The following LRRC23 variants were observed in gnomAD, a reference collection of about 807,000 sequenced individuals.
The protein encoded by LRRC23 is leucine rich repeat containing 23.
Under a neutral mutation model 37.7 loss-of-function variants are expected in LRRC23, and 28 were observed. That is an observed-to-expected ratio of 0.74 (90% CI 0.55 to 1.02). The LOEUF is 1.02. Ranked by LOEUF, LRRC23 falls within the 50% of genes least tolerant of loss-of-function variation. The probability of loss-of-function intolerance (pLI) is 0.00; values close to 1 mark genes in which losing one functional copy is unlikely to be tolerated. For missense variants in LRRC23, 377 were observed against 413.2 expected (o/e 0.91, Z 0.76); for synonymous variants, 161 against 165.4 (o/e 0.97, Z 0.20).
chr12:6,913,735 T>C, intron 7 of LRRC23, 156 bp from the exon 8 acceptor site: 2 of 526,076 alleles, frequency 3.8e-6, no homozygotes, highest in South Asian at 6.1e-5. Flanking sequence ...TGGCTAATTT[T>C]TGTATTTTTA....
chr12:6,909,862 A>G (rs1945115499), intron 5 of LRRC23, 28 bp from the exon 6 acceptor site: 7 of 1,594,358 alleles, frequency 4.4e-6, no homozygotes, highest in South Asian at 3.4e-5. Flanking sequence ...CTCCCTCTCA[A>G]TCAATCCACT....
chr12:6,914,176 G>A lies in LRRC23; in HGVS notation c.*310G>A. ...GGGTGCTGGTAGGAGTGGTTGGAGA[G>A]ACTTGCGAAGGCGGCTGGGGTGTTC... On this transcript the variant is annotated 3_prime_UTR_variant, in exon 8 of 8. Transcript: ENST00000443597. The surrounding 1 kb of genome is among the most constrained non-coding windows in gnomAD (Gnocchi z 7.1). 9.4e-7 allele frequency: 1 copy of A among 1,063,262 alleles called. No homozygotes were observed. 65.9% of individuals were successfully genotyped at this position (1,063,262 alleles called of 1,614,324 possible). A position where few individuals can be genotyped will look rare whatever the true frequency, so the allele number is the denominator to read the frequency against.
intron 6 of LRRC23, 83 bp downstream of exon 6, chr12:6,910,109 C>T (rs1469727972): frequency 7.5e-7 from 1 of 1,331,248 alleles, no homozygotes; most frequent in Non-Finnish European, 1.0e-6. Context: ...CTGGCCCAAT[C>T]CCCCAGTCCT....
intron 5 of LRRC23, among the ~76,000 whole-genome samples, chr12:6,908,490 G>C (rs1282349364): frequency 6.6e-6 from 1 of 151,408 alleles, no homozygotes; most frequent in Admixed American, 6.6e-5. Flanking sequence ...CCAGCTACTA[G>C]GGAGGCTGAG....
intron 6 of LRRC23, among the ~76,000 whole-genome samples, chr12:6,910,955 G>C (rs782626684): frequency 6.6e-5 from 10 of 152,030 alleles, no homozygotes; most frequent in Admixed American, 2.0e-4. Context: ...TGTTCCTAAG[G>C]GGCTCACAGT....
At chr12:6,911,447 G>C (rs1555140735) in intron 6 of LRRC23, among the ~76,000 whole-genome samples, 2 of 152,108 alleles carry the variant, frequency 1.3e-5, no homozygotes, top group African/African-American at 4.8e-5. Context: ...ATCTAGACAG[G>C]CATGATGGAC....
chr12:6,909,103 A>T (rs1378997076), intron 5 of LRRC23, among the ~76,000 whole-genome samples: 7 of 31,010 alleles, frequency 2.3e-4, no homozygotes, highest in East Asian at 1.6e-3. Context: ...ATTATATATA[A>T]TATATAATTA....
chr12:6,908,144 C>T (rs1555139946), intron 5 of LRRC23, among the ~76,000 whole-genome samples: 1 of 152,134 alleles, frequency 6.6e-6, no homozygotes, highest in African/African-American at 2.4e-5. Flanking sequence ...TGCAGTGCTC[C>T]ATGCCCTTCC....
At position 6,913,551 on chromosome 12, in the gene LRRC23, G is replaced by GTTTTTTTTTTTTTTTTTTTTTTTTTTTT. The variant is rs1248085636; in HGVS notation, c.*25-337_*25-336insTTTTTTTTTTTTTTTTTTTTTTTTTTTT. Among the ~76,000 whole-genome samples the GTTTTTTTTTTTTTTTTTTTTTTTTTTTT allele has an allele frequency of 5.1e-5, 4 of 78,174 alleles. 1 individual carries two copies. Among genetic ancestry groups the GTTTTTTTTTTTTTTTTTTTTTTTTTTTT allele is most frequent in the African/African-American group, 1.5e-4 (3 of 19,546 alleles). 51.3% of individuals were successfully genotyped at this position (78,174 alleles called of 152,430 possible). A position where few individuals can be genotyped will look rare whatever the true frequency, so the allele number is the denominator to read the frequency against. ...TAGGGGAGAGGCTTTATTTACCTCT[G>GTTTTTTTTTTTTTTTTTTTTTTTTTTTT]TTTGTTTTTTTTTTTTTTTTTTTTT... On this transcript the variant is annotated intron_variant, in intron 7 of 7. Coordinates refer to ENST00000443597, the MANE Select transcript of LRRC23 (RefSeq NM_001135217.2).
At chr12:6,913,618 G>C (rs1945242440) in intron 7 of LRRC23, 1 of 145,114 alleles carries the variant, frequency 6.9e-6, no homozygotes, top group African/African-American at 2.9e-5. Flanking sequence ...AGGCTGGAGT[G>C]CAGTGGCACA....
intron 3 of LRRC23, 87 bp from the exon 4 acceptor site, chr12:6,906,322 A>G (rs1314673714): frequency 2.3e-6 from 3 of 1,297,418 alleles, no homozygotes; most frequent in Non-Finnish European, 3.2e-6. Context: ...AGCCATCTCC[A>G]TATTGCCTTC....
chr12:6,906,858 T>C, intron 4 of LRRC23, 196 bp downstream of exon 4: 1 of 613,438 alleles, frequency 1.6e-6, no homozygotes, highest in East Asian at 2.9e-5. Flanking sequence ...GTCCCTATTC[T>C]CATATAGCTT....
chr12:6,906,371 C>A (rs782095045), intron 3 of LRRC23, 38 bp from the exon 4 acceptor site: 1 of 1,602,390 alleles, frequency 6.2e-7, no homozygotes, highest in Non-Finnish European at 8.5e-7. Context: ...GGGTGCTTAA[C>A]CCTAAACCTG....
In LRRC23 at chr12:6,906,511, C is replaced by T. The variant is rs1944952768; in HGVS notation, c.339C>T (p.Thr113=). ...LTDLSPLNYL[T]HLLWLKADGN... is the part of the protein sequence containing the mutation. ...ACCTGTCTCCACTCAACTACCTCAC[C>T]CACCTGCTCTGGCTCAAGGCTGATG... Residue 113 remains threonine (T), a synonymous_variant, in exon 4 of 8, where the codon ACC becomes ACT. Transcript: ENST00000443597. 1 of 1,614,066 alleles carries T rather than the reference C, an allele frequency of 6.2e-7. No homozygotes were observed. The highest frequency in any genetic ancestry group is 1.7e-5 in the Admixed American group (1 of 59,990).
intron 4 of LRRC23, 140 bp downstream of exon 4, chr12:6,906,802 G>T: frequency 1.1e-6 from 1 of 945,952 alleles, no homozygotes. Context: ...GATTCATTAT[G>T]ACAGTTCTAC....
rs1481078547 is a variant in LRRC23, at chr12:6,907,299, A to C, written c.491-16A>C. ...TTTGGAGTGGCCCTTTGAGCTCTTGAAACCCTCCTCCCCAGGGAACAGCAT... is the reference window on the plus strand; with the variant it reads ...TTTGGAGTGGCCCTTTGAGCTCTTGCAACCCTCCTCCCCAGGGAACAGCAT... On this transcript the variant is annotated splice_polypyrimidine_tract_variant and intron_variant, in intron 4 of 7. Coordinates refer to ENST00000443597, the MANE Select transcript of LRRC23 (RefSeq NM_001135217.2). 2 of 1,612,942 alleles carry C rather than the reference A, an allele frequency of 1.2e-6. No homozygotes were observed. Among genetic ancestry groups the C allele is most frequent in the African/African-American group, 2.7e-5 (2 of 74,824 alleles).
Position 6,905,017 on chromosome 12 carries a change from T to A in LRRC23, c.-108T>A, listed in dbSNP as rs1266032754. 2.0e-5 allele frequency: 3 copies of A among 153,692 alleles called. No individual in the cohort carries two copies. Among genetic ancestry groups the A allele is most frequent in the Admixed American group, 1.3e-4 (2 of 15,478 alleles). 9.5% of individuals were successfully genotyped at this position (153,692 alleles called of 1,614,324 possible). A position where few individuals can be genotyped will look rare whatever the true frequency, so the allele number is the denominator to read the frequency against. On this transcript the variant is annotated 5_prime_UTR_variant, in exon 1 of 8. Transcript: ENST00000443597. ...TTCCCCTCGCCCGCTTGCTAAACAG[T>A]CCTTCCCTCTCGGGACCAAGGGCCT... is the stretch of plus-strand genomic sequence containing the variant.
intron 3 of LRRC23, 30 bp from the exon 4 acceptor site, chr12:6,906,379 C>T: frequency 1.2e-6 from 2 of 1,606,802 alleles, no homozygotes; most frequent in Non-Finnish European, 1.7e-6. Flanking sequence ...AACCCTAAAC[C>T]TGGTTTCTTC....
intron 5 of LRRC23, among the ~76,000 whole-genome samples, chr12:6,908,947 ACACC>A (rs1433666032): frequency 7.3e-6 from 1 of 136,142 alleles, no homozygotes; most frequent in African/African-American, 2.8e-5. Context: ...GAGGCCCAGC[ACACC>A]CAACTTTATA....
Sources: gnomAD v4.1 joint callset for allele counts (sites outside exome capture counted in the v4.1 genomes callset) on GRCh38, gnomAD v4.1.1 for gene constraint, Gnocchi (gnomAD v3.1) non-coding constraint, MANE v1.5 for transcripts, NCBI Gene and HGNC (gene_info 2026-07-23, HGNC 2026-07-21) for gene names.